Variants in C1QTNF7 observed in about 807,000 individuals in gnomAD.
The protein encoded by C1QTNF7 is C1q and TNF related 7.
A neutral mutation model predicts 19.6 loss-of-function variants in C1QTNF7; 15 were observed. That is an observed-to-expected ratio of 0.76 (90% confidence interval 0.51 to 1.18). The LOEUF is 1.18. Among genes scored for constraint, C1QTNF7 ranks in the 50% most tolerant of loss-of-function variants. C1QTNF7 has a pLI of 0.00. For synonymous variants in C1QTNF7, 142 were observed against 137.5 expected (o/e 1.03, Z -0.23); for missense variants, 324 against 359.7 (o/e 0.90, Z 0.80).
chr4:15,395,873 G>A (rs1560354602), intron 1 of C1QTNF7, among the ~76,000 whole-genome samples: 1 of 152,188 alleles, frequency 6.6e-6, no homozygotes, highest in Non-Finnish European at 1.5e-5. Context: ...TGGCCAGTCA[G>A]TGGTGGAAGT....
At chr4:15,416,284 C>G (rs555045489) in intron 1 of C1QTNF7, among the ~76,000 whole-genome samples, 1 of 152,230 alleles carries the variant, frequency 6.6e-6, no homozygotes, top group East Asian at 1.9e-4. Context: ...AATATATATC[C>G]AGCACTTTCT....
chr4:15,388,334 A>G (rs1353641777), intron 1 of C1QTNF7, among the ~76,000 whole-genome samples: 2 of 152,232 alleles, frequency 1.3e-5, no homozygotes, highest in African/African-American at 2.4e-5. Context: ...AGCAGTCGAC[A>G]TGCTTGTGTG....
intron 1 of C1QTNF7, among the ~76,000 whole-genome samples, chr4:15,393,261 T>C (rs1229400622): frequency 6.6e-6 from 1 of 152,200 alleles, no homozygotes; most frequent in Admixed American, 6.5e-5. Context: ...TCTTTTTCTT[T>C]ATAAATTACC....
intron 1 of C1QTNF7, among the ~76,000 whole-genome samples, chr4:15,345,001 T>G (rs1271552473): frequency 6.6e-6 from 1 of 152,170 alleles, no homozygotes; most frequent in African/African-American, 2.4e-5. Context: ...GTGGTAAGCT[T>G]TTAGAGAGCA....
intron 1 of C1QTNF7, among the ~76,000 whole-genome samples, chr4:15,432,374 G>A (rs1712353664): frequency 6.6e-6 from 1 of 152,124 alleles, no homozygotes; most frequent in African/African-American, 2.4e-5. Flanking sequence ...GCATGCATCA[G>A]GCACCACAAC....
At chr4:15,377,803 A>G (rs1388548285) in intron 1 of C1QTNF7, among the ~76,000 whole-genome samples, 1 of 152,196 alleles carries the variant, frequency 6.6e-6, no homozygotes, top group Non-Finnish European at 1.5e-5. Context: ...CAAGGCTCCA[A>G]GCACATCACT....
At chr4:15,404,219 T>C (rs1719110270) in intron 1 of C1QTNF7, among the ~76,000 whole-genome samples, 1 of 152,216 alleles carries the variant, frequency 6.6e-6, no homozygotes, top group Admixed American at 6.5e-5. Flanking sequence ...ACCAAAACCA[T>C]GAGCTGCTCC....
chr4:15,362,636 C>A (rs143635391), intron 1 of C1QTNF7: 1 of 152,204 alleles, frequency 6.6e-6, no homozygotes, highest in East Asian at 1.9e-4. Context: ...TGGCTGGCAC[C>A]TCTGTTTGTA....
chr4:15,392,297 A>AG (rs957094108), intron 1 of C1QTNF7, among the ~76,000 whole-genome samples: 27 of 151,836 alleles, frequency 1.8e-4, no homozygotes, highest in Admixed American at 9.2e-4. Flanking sequence ...GTATATATCT[A>AG]GGGGGCGCTT....
chr4:15,349,214 G>C (rs527253706), intron 1 of C1QTNF7, among the ~76,000 whole-genome samples: 1 of 152,254 alleles, frequency 6.6e-6, no homozygotes, highest in African/African-American at 2.4e-5. Context: ...TGATTCTCCA[G>C]GCTCTTCTTG....
chr4:15,340,974 G>C (rs1482430660), intron 1 of C1QTNF7, among the ~76,000 whole-genome samples: 1 of 152,072 alleles, frequency 6.6e-6, no homozygotes, highest in Non-Finnish European at 1.5e-5. Flanking sequence ...GAGGTGGAGG[G>C]GCATATAAAT....
intron 1 of C1QTNF7, among the ~76,000 whole-genome samples, chr4:15,401,007 G>A (rs946481013): frequency 2.0e-5 from 3 of 152,176 alleles, no homozygotes; most frequent in Admixed American, 6.6e-5. Context: ...TTTTAGAGAC[G>A]AGGAAGGGTG....
chr4:15,434,100 T>G (rs1712433665), intron 1 of C1QTNF7, among the ~76,000 whole-genome samples: 1 of 152,034 alleles, frequency 6.6e-6, no homozygotes, highest in African/African-American at 2.4e-5. Flanking sequence ...TAATTTTGGA[T>G]TTGTGCTGTA....
chr4:15,372,695 T>G (rs1463140751), intron 1 of C1QTNF7, among the ~76,000 whole-genome samples: 2 of 152,254 alleles, frequency 1.3e-5, no homozygotes, highest in Non-Finnish European at 2.9e-5. Context: ...CATTTGATCT[T>G]TGTTCATGGC....
intron 1 of C1QTNF7, among the ~76,000 whole-genome samples, chr4:15,401,066 C>A (rs545457739): frequency 6.6e-6 from 1 of 152,294 alleles, no homozygotes; most frequent in East Asian, 1.9e-4. Flanking sequence ...TACTAGCGGG[C>A]GCACCCCAGT....
At chr4:15,421,342 A>G (rs1269847314) in intron 1 of C1QTNF7, among the ~76,000 whole-genome samples, 1 of 152,182 alleles carries the variant, frequency 6.6e-6, no homozygotes, top group Non-Finnish European at 1.5e-5. Context: ...GAGTGGAGGC[A>G]TTGCTTCCAG....
intron 1 of C1QTNF7, among the ~76,000 whole-genome samples, chr4:15,350,514 T>C (rs1030051697): frequency 1.5e-4 from 23 of 152,198 alleles, no homozygotes; most frequent in Non-Finnish European, 2.8e-4. Flanking sequence ...GATGAATTCC[T>C]CTCTCCATCT....
At chr4:15,398,384 C>T (rs746214431) in intron 1 of C1QTNF7, among the ~76,000 whole-genome samples, 4 of 152,156 alleles carry the variant, frequency 2.6e-5, no homozygotes, top group Non-Finnish European at 5.9e-5. Flanking sequence ...CTCCCTGCCC[C>T]ATTGATGTCC....
intron 1 of C1QTNF7, among the ~76,000 whole-genome samples, chr4:15,418,226 C>T (rs889945792): frequency 6.6e-6 from 1 of 152,090 alleles, no homozygotes; most frequent in South Asian, 2.1e-4. Context: ...AACTTGCTCC[C>T]ACCTCCCCTC....
Sources: allele counts gnomAD v4.1 joint callset (sites outside exome capture counted in the v4.1 genomes callset), GRCh38; gene constraint gnomAD v4.1.1; transcripts MANE v1.5; gene names NCBI Gene and HGNC (gene_info 2026-07-23, HGNC 2026-07-21).